Variants in COG5 observed in about 807,000 individuals in gnomAD.
The protein encoded by COG5 is conserved oligomeric Golgi complex subunit 5.
In COG5, 86 loss-of-function variants were observed where a neutral mutation model predicts 110.4. The ratio of observed to expected loss-of-function variants is 0.78; its 90% CI spans 0.65 to 0.93. The LOEUF is 0.93. Among genes scored for constraint, COG5 ranks in the 40% least tolerant of loss-of-function variants. COG5 has a pLI of 0.00. For synonymous variants in COG5, 360 were observed against 334.6 expected, an observed-to-expected ratio of 1.08 and a Z score of -0.83; for missense variants, 1,077 against 987.0, an observed-to-expected ratio of 1.09 and a Z score of -1.22.
chr7:107,388,164 C>A (rs778166079), intron 7 of COG5, among the ~76,000 whole-genome samples: 3 of 152,180 alleles, frequency 2.0e-5, no homozygotes, highest in Admixed American at 6.5e-5. Flanking sequence ...ATTGCCAGCT[C>A]ACAGGCAATC....
chr7:107,421,166 C>G (rs938653379), intron 6 of COG5, among the ~76,000 whole-genome samples: 1 of 152,122 alleles, frequency 6.6e-6, no homozygotes, highest in South Asian at 2.1e-4. Context: ...TGACATTATA[C>G]TTTAAAAACA....
At chr7:107,293,264 T>C (rs1273180969) in intron 12 of COG5, among the ~76,000 whole-genome samples, 2 of 152,190 alleles carry the variant, frequency 1.3e-5, no homozygotes, top group Non-Finnish European at 2.9e-5. Flanking sequence ...GGGAGCTCCC[T>C]ACTCCTGACC....
chr7:107,431,629 A>T (rs984823506), intron 6 of COG5, among the ~76,000 whole-genome samples: 1 of 152,062 alleles, frequency 6.6e-6, no homozygotes, highest in African/African-American at 2.4e-5. Context: ...CCTATTTGCC[A>T]CATTGATTTT....
intron 7 of COG5, among the ~76,000 whole-genome samples, chr7:107,408,669 T>C (rs1476920936): frequency 1.3e-5 from 2 of 152,210 alleles, no homozygotes; most frequent in Non-Finnish European, 2.9e-5. Context: ...ATTTCTTCTA[T>C]CAGCTCTAAT....
rs1297461531 is a variant in COG5 at position 107,277,010 on chromosome 7, C to G, written c.1575+4290G>C. 3.3e-5 allele frequency among the ~76,000 whole-genome samples: 5 copies of G among 152,168 alleles called. No individual in the cohort carries two copies. The East Asian group carries it at 9.6e-4, about 29-fold the overall frequency. On this transcript the variant is annotated intron_variant, in intron 14 of 21. Coordinates refer to ENST00000297135, the MANE Select transcript of COG5 (RefSeq NM_006348.5). Reference sequence around the variant, plus strand: ...GAACTAAAGCCTATTGCTTAGAACTCAGATGTGAAGCATCAATGCTAAATC... The same window carrying G: ...GAACTAAAGCCTATTGCTTAGAACTGAGATGTGAAGCATCAATGCTAAATC...
chr7:107,236,131 T>C (rs1004849918), intron 18 of COG5, among the ~76,000 whole-genome samples: 4 of 152,208 alleles, frequency 2.6e-5, no homozygotes, highest in Admixed American at 1.3e-4. Flanking sequence ...GTTTGACCTA[T>C]TGGGACAGTA....
chr7:107,249,151 A>C (rs1802287059), intron 16 of COG5, among the ~76,000 whole-genome samples: 1 of 152,114 alleles, frequency 6.6e-6, no homozygotes, highest in Non-Finnish European at 1.5e-5. Context: ...ACAGTTGCGC[A>C]TTTCATGAAT....
chr7:107,302,677 C>CTGGG (rs1807375822), intron 11 of COG5, among the ~76,000 whole-genome samples: 3 of 152,102 alleles, frequency 2.0e-5, no homozygotes, highest in African/African-American at 7.2e-5. Context: ...ATGCAAGGCC[C>CTGGG]TGGGTTTGCT....
intron 6 of COG5, among the ~76,000 whole-genome samples, chr7:107,420,176 T>G (rs989781211): frequency 1.3e-5 from 2 of 152,220 alleles, no homozygotes; most frequent in Non-Finnish European, 2.9e-5. Flanking sequence ...GCTTTAATTA[T>G]GCTCAATTCT....
chr7:107,201,723 A>C lies in COG5; in HGVS notation c.*1793T>G, dbSNP rs1055630710. 3.0e-6 allele frequency: 1 copy of C among 329,644 alleles called. No individual in the cohort carries two copies. The highest frequency in any genetic ancestry group is 4.6e-5 in the Admixed American group (1 of 21,622). The allele number at this position is 329,644 out of a possible 1,614,324, so 20.4% of individuals were successfully genotyped here. A position where few individuals can be genotyped will look rare whatever the true frequency, so the allele number is the denominator to read the frequency against. On this transcript the variant is annotated 3_prime_UTR_variant, in exon 22 of 22. Transcript: ENST00000297135. ...GAAAATTGATATCCTGTGGTGCTAA[A>C]GTACAGTAGAAAGAGAGGAGAAGTG...
At chr7:107,507,567 G>A (rs2712203) in intron 6 of COG5, among the ~76,000 whole-genome samples, 90,314 of 150,312 alleles carry the variant, frequency 0.6, 29,806 homozygotes, top group African/African-American at 0.9. Context: ...TCAGCCTCCC[G>A]AAGTGCTGGA....
At chr7:107,295,099 ATATTT>A (rs1285310677) in intron 12 of COG5, among the ~76,000 whole-genome samples, 12 of 63,844 alleles carry the variant, frequency 1.9e-4, no homozygotes, top group Admixed American at 6.3e-4. Context: ...ATATATATAT[ATATTT>A]TTTTTTTTTT....
intron 21 of COG5, chr7:107,210,076 T>G (rs995225829): frequency 1.9e-6 from 2 of 1,038,050 alleles, no homozygotes; most frequent in Non-Finnish European, 2.3e-6. Flanking sequence ...AGGGCCATGG[T>G]ATCCAAGTGG....
intron 6 of COG5, among the ~76,000 whole-genome samples, chr7:107,450,719 C>T (rs992174231): frequency 6.6e-6 from 1 of 152,122 alleles, no homozygotes; most frequent in Non-Finnish European, 1.5e-5. Context: ...AGCTACTAAC[C>T]CCAAGATTTG....
rs1355081833 is a variant in COG5, at chr7:107,440,647, G to GA, written c.539-28016dup. Among the ~76,000 whole-genome samples the GA allele has an allele frequency of 2.0e-5, 3 of 152,090 alleles. No individual in the cohort carries two copies. In the East Asian group the frequency reaches 5.8e-4, roughly 29 times the overall value. ...CACCCCACACCAACTTCTGGGGAGG[G>GA]AAAAGAGGCTGAAAACTGAGTCAAT... On this transcript the variant is annotated intron_variant, in intron 6 of 21. Transcript: ENST00000297135.
At chr7:107,213,927 C>T (rs547143512) in intron 19 of COG5, among the ~76,000 whole-genome samples, 26 of 152,194 alleles carry the variant, frequency 1.7e-4, no homozygotes, top group African/African-American at 5.8e-4. Flanking sequence ...CCTAAAGAGA[C>T]GGTCATCTAT....
At chr7:107,466,457 G>A (rs1318373662) in intron 6 of COG5, among the ~76,000 whole-genome samples, 1 of 152,168 alleles carries the variant, frequency 6.6e-6, no homozygotes, top group African/African-American at 2.4e-5. Flanking sequence ...GGTGAAGTAG[G>A]GAAGGATGGG....
chr7:107,412,590 A>T lies in COG5; in HGVS notation c.581T>A (p.Ile194Lys). Reference protein sequence around the residue: ...QGIDLSGIEVIENDLLFIARA... With the variant: ...QGIDLSGIEVKENDLLFIARA... ...TGCAATAAAAAGTAGATCATTTTCT[A>T]TCACTTCTATTCCAGAAAGATCTAT... The change falls in exon 7 of 22, where the codon ATA becomes AAA. Residue 194 changes from isoleucine (I) to lysine (K), a missense_variant. Coordinates refer to ENST00000297135, the MANE Select transcript of COG5 (RefSeq NM_006348.5). The T allele has an allele frequency of 6.3e-7, 1 of 1,585,354 alleles. No individual in the cohort carries two copies. Among genetic ancestry groups the T allele is most frequent in the South Asian group, 1.1e-5 (1 of 90,518 alleles).
chr7:107,402,025 C>A (rs1791468642), intron 7 of COG5, among the ~76,000 whole-genome samples: 1 of 152,102 alleles, frequency 6.6e-6, no homozygotes, highest in Non-Finnish European at 1.5e-5. Context: ...GAATTTTTAA[C>A]TGCAAAAGTG....
Sources: allele counts gnomAD v4.1 joint callset (sites outside exome capture counted in the v4.1 genomes callset), GRCh38; gene constraint gnomAD v4.1.1; transcripts MANE v1.5; gene names NCBI Gene and HGNC (gene_info 2026-07-23, HGNC 2026-07-21).